Variants in LCORL observed in about 807,000 individuals in gnomAD.
LCORL encodes the protein ligand-dependent nuclear receptor corepressor-like protein.
A neutral mutation model predicts 141.8 loss-of-function variants in LCORL; 41 were observed. The ratio of observed to expected loss-of-function variants is 0.29; its 90% CI spans 0.23 to 0.38. The LOEUF (loss-of-function observed/expected upper bound fraction) is 0.38, where lower values mean the gene tolerates loss of function less well. Ranked by LOEUF, LCORL falls within the 10% of genes least tolerant of loss-of-function variation. The pLI is 1.00. For missense variants in LCORL, 1,759 were observed against 2,035.0 expected (o/e 0.86, Z 2.61); for synonymous variants, 618 against 694.1 (o/e 0.89, Z 1.72).
At chr4:17,946,070 A>C (rs1195023395) in intron 4 of LCORL, among the ~76,000 whole-genome samples, 1 of 152,030 alleles carries the variant, frequency 6.6e-6, no homozygotes, top group African/African-American at 2.4e-5. Context: ...CCTCTAACAC[A>C]AAATTTGTGG....
intron 1 of LCORL, among the ~76,000 whole-genome samples, chr4:18,018,996 T>TA (rs1209475259): frequency 6.6e-6 from 1 of 152,204 alleles, no homozygotes; most frequent in Non-Finnish European, 1.5e-5. Flanking sequence ...TAGCAAAAGG[T>TA]AATTATCCAA....
At chr4:17,883,797 G>A (rs753145231) in intron 6 of LCORL, 12 of 1,550,482 alleles carry the variant, frequency 7.7e-6, no homozygotes, top group African/African-American at 1.4e-5. Flanking sequence ...TCTGGTAATC[G>A]TAGTTTCTTC....
At chr4:17,973,997 T>A (rs1312112024) in intron 1 of LCORL, among the ~76,000 whole-genome samples, 1 of 152,074 alleles carries the variant, frequency 6.6e-6, no homozygotes, top group Non-Finnish European at 1.5e-5. Flanking sequence ...ATGACAGTAC[T>A]AGTTCCCATG....
exon 8 of LCORL, chr4:17,842,314 G>T (rs758832065): frequency 6.2e-7 from 1 of 1,611,816 alleles, no homozygotes; most frequent in Non-Finnish European, 8.5e-7. Flanking sequence ...TTCAAGGACA[G>T]AGAAAAGTGA....
At chr4:18,000,109 C>T (rs927751783) in intron 1 of LCORL, among the ~76,000 whole-genome samples, 2 of 149,410 alleles carry the variant, frequency 1.3e-5, no homozygotes, top group African/African-American at 5.0e-5. Context: ...TACTCAATTT[C>T]CATTAGATTT....
intron 7 of LCORL, among the ~76,000 whole-genome samples, chr4:17,854,000 T>C (rs1448039586): frequency 6.6e-6 from 1 of 152,000 alleles, no homozygotes; most frequent in Non-Finnish European, 1.5e-5. Flanking sequence ...ATGCAATAAA[T>C]ATAAAGGAGT....
intron 1 of LCORL, among the ~76,000 whole-genome samples, chr4:17,978,561 T>C (rs1046114281): frequency 1.4e-5 from 2 of 146,718 alleles, no homozygotes; most frequent in African/African-American, 5.2e-5. Context: ...CACATCACCA[T>C]AGAGCAAGAC....
At chr4:17,882,608 A>G in intron 6 of LCORL, 1 of 984,678 alleles carries the variant, frequency 1.0e-6, no homozygotes, top group Non-Finnish European at 1.2e-6. Context: ...AAGACCCTGA[A>G]CAAACTGCAA....
chr4:17,888,916 T>A (rs911695697), intron 5 of LCORL, among the ~76,000 whole-genome samples: 17 of 152,154 alleles, frequency 1.1e-4, no homozygotes, highest in Non-Finnish European at 2.4e-4. Flanking sequence ...GTTTATGGCA[T>A]ATAAAACACA....
At chr4:17,902,500 G>A (rs563249105) in intron 5 of LCORL, among the ~76,000 whole-genome samples, 2 of 152,212 alleles carry the variant, frequency 1.3e-5, no homozygotes, top group African/African-American at 4.8e-5. Context: ...AGCGGACATA[G>A]AAATTTTTTT....
chr4:17,930,374 T>C (rs976245367), intron 4 of LCORL, among the ~76,000 whole-genome samples: 11 of 152,192 alleles, frequency 7.2e-5, no homozygotes, highest in African/African-American at 2.4e-4. Flanking sequence ...TACTGTTTAA[T>C]TGCACAAGCC....
At chr4:17,869,440 A>T (rs561191378) in intron 7 of LCORL, among the ~76,000 whole-genome samples, 5 of 152,240 alleles carry the variant, frequency 3.3e-5, no homozygotes, top group African/African-American at 1.2e-4. Context: ...GCTATATTCA[A>T]TGGAACCGTT....
intron 5 of LCORL, among the ~76,000 whole-genome samples, chr4:17,905,581 C>A (rs1431618748): frequency 1.3e-5 from 2 of 151,606 alleles, no homozygotes. Flanking sequence ...AAGGAAAGCA[C>A]AAAATAGGAA....
intron 4 of LCORL, among the ~76,000 whole-genome samples, chr4:17,932,239 G>C (rs1339383480): frequency 6.6e-6 from 1 of 152,146 alleles, no homozygotes; most frequent in East Asian, 1.9e-4. Context: ...GTTTAACAGG[G>C]GAGTTCAATG....
chr4:17,876,085 T>C, exon 7 of LCORL: 1 of 1,231,078 alleles, frequency 8.1e-7, no homozygotes, highest in Middle Eastern at 3.1e-4. Flanking sequence ...TCACTACTTT[T>C]AACCTCAGAT....
exon 8 of LCORL, chr4:17,842,970 A>C (rs1722561744): frequency 1.2e-5 from 2 of 171,096 alleles, no homozygotes; most frequent in Admixed American, 1.2e-4. Flanking sequence ...TTTTTTTGTC[A>C]CTTCTTGAGT....
At chr4:17,892,992 G>C (rs533427714) in intron 5 of LCORL, among the ~76,000 whole-genome samples, 1 of 152,202 alleles carries the variant, frequency 6.6e-6, no homozygotes, top group East Asian at 1.9e-4. Flanking sequence ...CCATGCATTT[G>C]AGACTCCTTG....
rs1032586572 is a variant in LCORL, at chr4:17,881,502, T to C, written c.777-3289A>G. 40 of 866,712 alleles carry C rather than the reference T, an allele frequency of 4.6e-5. No individual in the cohort carries two copies. In the African/African-American group the frequency reaches 6.8e-4, roughly 15 times the overall value. 53.7% of individuals were successfully genotyped at this position (866,712 alleles called of 1,614,324 possible). A position where few individuals can be genotyped will look rare whatever the true frequency, so the allele number is the denominator to read the frequency against. On this transcript the variant is annotated intron_variant, in intron 6 of 7. Coordinates refer to ENST00000635767, the Ensembl canonical transcript of LCORL. ...TTAATTTACTATTTCTGACCAAAAA[T>C]AAATAATACAAGTACTAAAATGCTG...
At chr4:17,846,584 A>G (rs1159963163) in intron 7 of LCORL, among the ~76,000 whole-genome samples, 1 of 152,162 alleles carries the variant, frequency 6.6e-6, no homozygotes, top group Non-Finnish European at 1.5e-5. Context: ...TTTCTGTTGA[A>G]AAAAATTTCC....
Sources: gnomAD v4.1 joint callset for allele counts (sites outside exome capture counted in the v4.1 genomes callset) on GRCh38, gnomAD v4.1.1 for gene constraint, MANE v1.5 for transcripts, NCBI Gene and HGNC (gene_info 2026-07-23, HGNC 2026-07-21) for gene names.